The following ZNF181 variants were observed in gnomAD, a reference collection of about 807,000 sequenced individuals.
ZNF181 encodes zinc finger protein 181.
Under a neutral mutation model 11.9 loss-of-function variants are expected in ZNF181, and 8 were observed. The observed-to-expected ratio is 0.67, with a 90% CI of 0.39 to 1.21. ZNF181 has a LOEUF of 1.21. ZNF181 is among the 50% of genes most tolerant of loss of function. The probability of loss-of-function intolerance (pLI) is 0.01; values close to 1 mark genes in which losing one functional copy is unlikely to be tolerated. For missense variants in ZNF181, 542 were observed against 670.9 expected (o/e 0.81, Z 2.12); for synonymous variants, 202 against 221.1 (o/e 0.91, Z 0.77).
chr19:34,735,814 C>G (rs546352034), intron 1 of ZNF181, among the ~76,000 whole-genome samples: 1 of 152,332 alleles, frequency 6.6e-6, no homozygotes, highest in South Asian at 2.1e-4. Flanking sequence ...TATTCTTCCC[C>G]CACATACGCA....
intron 1 of ZNF181, among the ~76,000 whole-genome samples, chr19:34,737,698 C>T (rs112351826): frequency 2.6e-5 from 4 of 152,120 alleles, no homozygotes; most frequent in African/African-American, 7.2e-5. Context: ...CACCAGGGAT[C>T]GGTTTTGTGG....
chr19:34,739,249 T>C lies in ZNF181; in HGVS notation c.111T>C (p.Tyr37=). ...ACAAGGATGTGATGGTCCAGAATTA[T>C]GAGAACCTGGTCTCTGTAGGTAAGG... is the stretch of plus-strand genomic sequence containing the variant. ...DLYKDVMVQN[Y]ENLVSVAGLS... Residue 37 remains tyrosine (Y), a synonymous_variant, in exon 2 of 4, where the codon TAT becomes TAC. Coordinates refer to ENST00000492450, the MANE Select transcript of ZNF181 (RefSeq NM_001029997.4). 1 of 1,613,718 alleles carries C rather than the reference T, an allele frequency of 6.2e-7. No individual in the cohort carries two copies. Among genetic ancestry groups the C allele is most frequent in the Non-Finnish European group, 8.5e-7 (1 of 1,179,666 alleles).
Position 34,740,646 on chromosome 19 carries a change from A to G in ZNF181, c.265A>G (p.Thr89Ala). The G allele has an allele frequency of 6.3e-7, 1 of 1,586,668 alleles. No homozygotes were observed. The highest frequency in any genetic ancestry group is 1.2e-5 in the South Asian group (1 of 85,992). ...AAGATGGGAAAACAAGGAATTATCA[A>G]CAAAGAAGGATAATTATGATGAAGA... Reference protein sequence around the residue: ...ESRWENKELSTKKDNYDEDSP... With the variant: ...ESRWENKELSAKKDNYDEDSP... Residue 89 changes from threonine (T) to alanine (A), a missense_variant, in exon 4 of 4, where the codon ACA (threonine) becomes GCA (alanine). Physicochemically the swap from Thr to Ala is moderately conservative, Grantham distance 58. Transcript: ENST00000492450.
At position 34,739,169 on chromosome 19, in the gene ZNF181, A is replaced by G. The variant is rs772955292; in HGVS notation, c.31A>G (p.Ile11Val). ...TCAGGTGACATTTAATGATGTGGCT[A>G]TAGACTTCACTCATGAAGAGTGGGG... MPQVTFNDVA[I>V]DFTHEEWGWL... The change falls in exon 2 of 4, where the codon ATA becomes GTA. Residue 11 changes from isoleucine (I) to valine (V), a missense_variant. By Grantham distance (29) the Ile-to-Val change is conservative. Coordinates refer to ENST00000492450, the MANE Select transcript of ZNF181 (RefSeq NM_001029997.4). 2.5e-6 allele frequency: 4 copies of G among 1,613,758 alleles called. No homozygotes were observed. The highest frequency in any genetic ancestry group is 3.4e-6 in the Non-Finnish European group (4 of 1,179,682).
Position 34,741,005 on chromosome 19 carries a change from A to G in ZNF181, c.624A>G (p.Lys208=). ...ATGAGAAAGTCAATGGTGGAAAGAAACTTTTGAATTCTAATAAAAGTGGGG... is the reference window on the plus strand; with the variant it reads ...ATGAGAAAGTCAATGGTGGAAAGAAGCTTTTGAATTCTAATAAAAGTGGGG... ...IKNEKVNGGK[K]LLNSNKSGAA... The change falls in exon 4 of 4, where the codon AAA becomes AAG. Residue 208 remains lysine, a synonymous_variant. Coordinates refer to ENST00000492450, the MANE Select transcript of ZNF181 (RefSeq NM_001029997.4). 1 of 1,614,170 alleles carries G rather than the reference A, an allele frequency of 6.2e-7. No homozygotes were observed. The highest frequency in any genetic ancestry group is 8.5e-7 in the Non-Finnish European group (1 of 1,180,002).
At position 34,742,038 on chromosome 19, in the gene ZNF181, C is replaced by A. The variant is rs1362267194; in HGVS notation, c.1657C>A (p.Pro553Thr). ...CAATAGTGTGGTAAGTGTGGAAAAG[C>A]CTTTAGACTATATGAATCACTATAC... ...KPNSVVSVEK[P>T]LDYMNHYTCE... Residue 553 changes from proline to threonine, a missense_variant, in exon 4 of 4, where the codon CCT becomes ACT. Transcript: ENST00000492450. 6.2e-7 allele frequency: 1 copy of A among 1,610,592 alleles called. No individual in the cohort carries two copies. The highest frequency in any genetic ancestry group is 8.5e-7 in the Non-Finnish European group (1 of 1,178,534).
Position 34,741,559 on chromosome 19 carries a change from C to G in ZNF181, c.1178C>G (p.Thr393Ser), listed in dbSNP as rs188931981. ...GCTTTCTGCTGTAGCTCACACCTTACTCGACATCAAAGAATTCACACTATG... is the reference window on the plus strand; with the variant it reads ...GCTTTCTGCTGTAGCTCACACCTTAGTCGACATCAAAGAATTCACACTATG... The part of the protein sequence containing the change: ...GKAFCCSSHL[T>S]RHQRIHTMEK... The change falls in exon 4 of 4, where the codon ACT becomes AGT. Residue 393 changes from threonine (T) to serine (S), a missense_variant. Coordinates refer to ENST00000492450, the MANE Select transcript of ZNF181 (RefSeq NM_001029997.4). 3.3e-4 allele frequency: 533 copies of G among 1,614,006 alleles called. 3 individuals are homozygous for G. The highest frequency in any genetic ancestry group is 5.5e-5 in the Non-Finnish European group (65 of 1,179,980).
intron 1 of ZNF181, 40 bp downstream of exon 1, chr19:34,735,086 T>C (rs1481478510): frequency 6.4e-7 from 1 of 1,560,374 alleles, no homozygotes; most frequent in Non-Finnish European, 8.7e-7. Flanking sequence ...AAACACTTTA[T>C]CAGGACTGTG....
intron 1 of ZNF181, among the ~76,000 whole-genome samples, chr19:34,738,522 TTAATA>T (rs1161034794): frequency 6.6e-6 from 1 of 152,092 alleles, no homozygotes; most frequent in Non-Finnish European, 1.5e-5. Flanking sequence ...CTATTAGTCT[TTAATA>T]TAAAGGTTTT....
chr19:34,741,160 C>G lies in ZNF181; in HGVS notation c.779C>G (p.Thr260Arg). Residue 260 changes from threonine to arginine, a missense_variant, in exon 4 of 4, where the codon ACA becomes AGA. By Grantham distance (71) the Thr-to-Arg change is moderately conservative. Transcript: ENST00000492450. ...SILNRHWRIHTGEKPYECREC... is the reference protein window; with the variant it reads ...SILNRHWRIHRGEKPYECREC... ...CTCAATCGCCACTGGAGAATTCATA[C>G]AGGAGAGAAGCCCTATGAATGTCGT... The G allele has an allele frequency of 1.9e-6, 3 of 1,614,100 alleles. No individual in the cohort carries two copies. The highest frequency in any genetic ancestry group is 2.5e-6 in the Non-Finnish European group (3 of 1,179,972).
chr19:34,738,544 G>T (rs543733687), intron 1 of ZNF181, among the ~76,000 whole-genome samples: 1,611 of 149,332 alleles, frequency 0.011, 16 homozygotes, highest in African/African-American at 0.033. Flanking sequence ...TTTTTTTTTT[G>T]TTTTTGTTTT....
chr19:34,739,255 C>T lies in ZNF181; in HGVS notation c.117C>T (p.Asn39=), dbSNP rs1257361143. Residue 39 remains asparagine (N), a synonymous_variant, in exon 2 of 4, where the codon AAC becomes AAT. Coordinates refer to ENST00000492450, the MANE Select transcript of ZNF181 (RefSeq NM_001029997.4). ...ATGTGATGGTCCAGAATTATGAGAA[C>T]CTGGTCTCTGTAGGTAAGGATATTA... is the stretch of plus-strand genomic sequence containing the variant. ...YKDVMVQNYE[N]LVSVAGLSVT... is the part of the protein sequence containing the mutation. 1.2e-6 allele frequency: 2 copies of T among 1,613,740 alleles called. No individual in the cohort carries two copies. The highest frequency in any genetic ancestry group is 2.2e-5 in the South Asian group (2 of 91,072).
In ZNF181 at chr19:34,740,939, T is replaced by C. The variant is rs753889978; in HGVS notation, c.558T>C (p.Asp186=). 1.9e-6 allele frequency: 3 copies of C among 1,613,708 alleles called. No homozygotes were observed. Among genetic ancestry groups the C allele is most frequent in the Non-Finnish European group, 1.7e-6 (2 of 1,179,822 alleles). The change falls in exon 4 of 4, where the codon GAT becomes GAC. Residue 186 remains aspartate (D), a synonymous_variant. Coordinates refer to ENST00000492450, the MANE Select transcript of ZNF181 (RefSeq NM_001029997.4). ...ISAEGNSHKY[D]ILKKNLPKKS... is the part of the protein sequence containing the mutation. ...CTGAAGGGAATTCACACAAATATGA[T>C]ATATTAAAGAAGAACTTACCAAAAA...
Position 34,744,908 on chromosome 19 carries a change from C to T in ZNF181, c.*2811C>T, listed in dbSNP as rs150376547. The T allele has an allele frequency of 3.9e-5, 6 of 152,206 alleles. No individual in the cohort carries two copies. The highest frequency in any genetic ancestry group is 1.4e-4 in the African/African-American group (6 of 41,498). The allele number at this position is 152,206 out of a possible 1,614,324, so 9.4% of individuals were successfully genotyped here. ...GTCACTTTGTTATGAGAGGATTCAT[C>T]GAAATACCTGTGCTTTGTCATTTAA... is the stretch of plus-strand genomic sequence containing the variant. On this transcript the variant is annotated 3_prime_UTR_variant, in exon 4 of 4. Transcript: ENST00000492450.
At chr19:34,736,694 A>G (rs1317836242) in intron 1 of ZNF181, among the ~76,000 whole-genome samples, 1 of 151,782 alleles carries the variant, frequency 6.6e-6, no homozygotes, top group African/African-American at 2.4e-5. Context: ...AACTTTACTT[A>G]TTTTATTTTT....
At position 34,741,416 on chromosome 19, in the gene ZNF181, A is replaced by G; in HGVS notation, c.1035A>G (p.Gln345=). 6.2e-7 allele frequency: 1 copy of G among 1,613,906 alleles called. No individual in the cohort carries two copies. The highest frequency in any genetic ancestry group is 8.5e-7 in the Non-Finnish European group (1 of 1,179,866). ...HLIEHLRIHT[Q]EKLYECRICG... ...TTGAACATCTAAGAATTCATACTCA[A>G]GAAAAACTCTATGAGTGTCGTATAT... The change falls in exon 4 of 4, where the codon CAA becomes CAG. Residue 345 remains glutamine, a synonymous_variant. Coordinates refer to ENST00000492450, the MANE Select transcript of ZNF181 (RefSeq NM_001029997.4).
chr19:34,740,120 C>T (rs2068946769), intron 3 of ZNF181, among the ~76,000 whole-genome samples: 1 of 152,118 alleles, frequency 6.6e-6, no homozygotes, highest in Non-Finnish European at 1.5e-5. Context: ...CTTCAGAAAG[C>T]CTAAATCTTT....
intron 1 of ZNF181, among the ~76,000 whole-genome samples, chr19:34,737,222 G>A (rs1238627221): frequency 1.3e-5 from 2 of 152,178 alleles, no homozygotes; most frequent in Non-Finnish European, 2.9e-5. Flanking sequence ...TACATTTGTG[G>A]AGAGGATTTT....
intron 1 of ZNF181, chr19:34,736,059 T>A (rs774277882): frequency 1.4e-6 from 1 of 694,992 alleles, no homozygotes; most frequent in South Asian, 1.5e-5. Context: ...TTTTTCTTTT[T>A]TGTTGTCTGT....
Sources: gnomAD v4.1 joint callset for allele counts (sites outside exome capture counted in the v4.1 genomes callset) on GRCh38, gnomAD v4.1.1 for gene constraint, MANE v1.5 for transcripts, NCBI Gene and HGNC (gene_info 2026-07-23, HGNC 2026-07-21) for gene names.